CAPN12: variants seen among roughly 807,000 people sequenced by gnomAD.
CAPN12 encodes the protein calpain 12.
CAPN12 carries 107 observed loss-of-function variants against 95.0 expected under a neutral mutation model. The observed-to-expected ratio is 1.13, with a 90% CI of 0.96 to 1.32. The LOEUF is 1.32. CAPN12 is among the 40% of genes most tolerant of loss of function. The pLI is 0.00. For missense variants in CAPN12, 1,136 were observed against 997.8 expected (o/e 1.14, Z -1.87); for synonymous variants, 505 against 415.5 (o/e 1.22, Z -2.62).
chr19:38,740,314 G>A lies in CAPN12; in HGVS notation c.561-95C>T. 4.8e-6 allele frequency: 6 copies of A among 1,261,022 alleles called. No homozygotes were observed. The South Asian group carries it at 8.0e-5, about 17-fold the overall frequency. The allele number at this position is 1,261,022 out of a possible 1,614,324, so 78.1% of individuals were successfully genotyped here. A position where few individuals can be genotyped will look rare whatever the true frequency, so the allele number is the denominator to read the frequency against. On this transcript the variant is annotated intron_variant, in intron 4 of 20. Transcript: ENST00000328867. ...TGCAGGGGCCTGTGTCTCAGGGTGTGGAATCCCCAGGGGAAATTCCTGAAG... is the reference window on the plus strand; with the variant it reads ...TGCAGGGGCCTGTGTCTCAGGGTGTAGAATCCCCAGGGGAAATTCCTGAAG...
At chr19:38,737,919 CCAA>C (rs1970314743) in intron 8 of CAPN12, among the ~76,000 whole-genome samples, 2 of 152,094 alleles carry the variant, frequency 1.3e-5, no homozygotes, top group East Asian at 1.9e-4. Context: ...CTCTAAATTA[CCAA>C]CAAGTACCCT....
rs1161380306 is a variant in CAPN12, at chr19:38,731,222, G to T, written c.1959C>A (p.Gly653=). Residue 653 remains glycine, a splice_region_variant and synonymous_variant, in exon 19 of 21, where the codon GGC becomes GGA. Coordinates refer to ENST00000328867, the MANE Select transcript of CAPN12 (RefSeq NM_144691.4). ...YELRLALNAA[G]FHLNNQLTQT... is the part of the protein sequence containing the mutation. Reference sequence around the variant, plus strand: ...GGGTCAGCTGGTTGTTCAGGTGGAAGCCTAGGGGGAGGCTGCTTCTGAGCC... The same window carrying T: ...GGGTCAGCTGGTTGTTCAGGTGGAATCCTAGGGGGAGGCTGCTTCTGAGCC... 1.2e-6 allele frequency: 2 copies of T among 1,612,052 alleles called. No individual in the cohort carries two copies. The highest frequency in any genetic ancestry group is 1.7e-5 in the Admixed American group (1 of 60,012).
At position 38,741,814 on chromosome 19, in the gene CAPN12, C is replaced by T; in HGVS notation, c.523G>A (p.Glu175Lys). The T allele has an allele frequency of 1.2e-6, 2 of 1,614,098 alleles. No homozygotes were observed. The highest frequency in any genetic ancestry group is 1.7e-6 in the Non-Finnish European group (2 of 1,180,042). Residue 175 changes from glutamate (E) to lysine (K), a missense_variant, in exon 4 of 21, where the codon GAG (glutamate) becomes AAG (lysine). Coordinates refer to ENST00000328867, the MANE Select transcript of CAPN12 (RefSeq NM_144691.4). ...TTCTCCAGGAGTGGGGCCCAGAACT[C>T]ATTCCGCTGTTCCGAGCGCACGAAC... ...LMFVRSEQRNEFWAPLLEKAY... is the reference protein window; with the variant it reads ...LMFVRSEQRNKFWAPLLEKAY...
chr19:38,734,494 A>T (rs1322574643), intron 15 of CAPN12, 105 bp from the exon 16 acceptor site: 1 of 1,005,434 alleles, frequency 9.9e-7, no homozygotes, highest in Admixed American at 2.8e-5. Context: ...TGTCAGTCCC[A>T]TATTATAGAA....
rs919475226 is a variant in CAPN12 at position 38,730,515 on chromosome 19, A to G, written c.*337T>C. Reference sequence around the variant, plus strand: ...CTGGGGACAGGATAATAAAACATGTAATATTTTTAAGAAGGATTCCTGCAG... The same window carrying G: ...CTGGGGACAGGATAATAAAACATGTGATATTTTTAAGAAGGATTCCTGCAG... On this transcript the variant is annotated 3_prime_UTR_variant, in exon 21 of 21. Transcript: ENST00000328867. 1 of 371,794 alleles carries G rather than the reference A, an allele frequency of 2.7e-6. No homozygotes were observed. The highest frequency in any genetic ancestry group is 2.0e-5 in the African/African-American group (1 of 49,094). The allele number at this position is 371,794 out of a possible 1,614,324, so 23.0% of individuals were successfully genotyped here.
At position 38,730,666 on chromosome 19, in the gene CAPN12, T is replaced by C. The variant is rs1969514668; in HGVS notation, c.*186A>G. On this transcript the variant is annotated 3_prime_UTR_variant, in exon 21 of 21. Transcript: ENST00000328867. ...TCATCTGCTCGAGAAGGGCTGTCGCTGTTCTTGTTTCTGAGTGAGGAGTAC... is the reference window on the plus strand; with the variant it reads ...TCATCTGCTCGAGAAGGGCTGTCGCCGTTCTTGTTTCTGAGTGAGGAGTAC... 4.5e-6 allele frequency: 3 copies of C among 667,846 alleles called. No individual in the cohort carries two copies. Among genetic ancestry groups the C allele is most frequent in the Non-Finnish European group, 7.8e-6 (3 of 385,224 alleles). The allele number at this position is 667,846 out of a possible 1,614,324, so 41.4% of individuals were successfully genotyped here. A position where few individuals can be genotyped will look rare whatever the true frequency, so the allele number is the denominator to read the frequency against.
Position 38,737,076 on chromosome 19 carries a change from T to C in CAPN12, c.1362+80A>G, listed in dbSNP as rs112197111. The C allele has an allele frequency of 0.067, 16,062 of 239,014 alleles. 919 individuals carry two copies. Among genetic ancestry groups the C allele is most frequent in the South Asian group, 0.16 (4,497 of 28,882 alleles). 14.8% of individuals were successfully genotyped at this position (239,014 alleles called of 1,614,324 possible). On this transcript the variant is annotated intron_variant, in intron 10 of 20. Transcript: ENST00000328867. ...TCTTCCCACTGGCCCCGCCCCTCCA[T>C]GCCTCCCCCGCTCCTTGGCCCGGCC...
intron 18 of CAPN12, chr19:38,733,349 C>T (rs1054918413): frequency 6.7e-4 from 162 of 240,060 alleles, no homozygotes; most frequent in African/African-American, 3.2e-3. Context: ...ATTCCAACCC[C>T]GGTGCACCAG....
rs1970173322 is a variant in CAPN12 at position 38,736,535 on chromosome 19, C to T, written c.1374+17G>A. On this transcript the variant is annotated intron_variant, in intron 11 of 20. Coordinates refer to ENST00000328867, the MANE Select transcript of CAPN12 (RefSeq NM_144691.4). ...TTGACCAAGCCCCAGGGCCGGTTGA[C>T]CCCATCCCAGACTCACCTCCTCTGG... The T allele has an allele frequency of 6.3e-7, 1 of 1,576,972 alleles. No homozygotes were observed.
Position 38,735,912 on chromosome 19 carries a change from CG to C in CAPN12, c.1583+197del, listed in dbSNP as rs1970064735. Among the ~76,000 whole-genome samples the C allele has an allele frequency of 7.9e-4, 4 of 5,048 alleles. 1 individual carries two copies. The highest frequency in any genetic ancestry group is 1.5e-3 in the Non-Finnish European group (3 of 1,998). 3.3% of individuals were successfully genotyped at this position (5,048 alleles called of 152,430 possible). A position where few individuals can be genotyped will look rare whatever the true frequency, so the allele number is the denominator to read the frequency against. ...CGGGGCGGGGCGGGGGTTCTGGGGG[CG>C]GGGCGGGGCGGGGCGGGGGTTCTGG... On this transcript the variant is annotated intron_variant, in intron 12 of 20. Transcript: ENST00000328867.
intron 1 of CAPN12, among the ~76,000 whole-genome samples, chr19:38,743,560 C>T (rs556187691): frequency 1.5e-5 from 2 of 134,554 alleles, no homozygotes; most frequent in African/African-American, 5.4e-5. Flanking sequence ...CCAGCCCCTC[C>T]TCCCTCAGAC....
At chr19:38,738,229 C>T (rs1568788940) in intron 8 of CAPN12, 44 bp downstream of exon 8, 1 of 1,473,096 alleles carries the variant, frequency 6.8e-7, no homozygotes, top group Non-Finnish European at 9.0e-7. Context: ...AACCCCTTGG[C>T]AGAGACCCTC....
Position 38,737,307 on chromosome 19 carries a change from C to T in CAPN12, c.1211G>A (p.Trp404Ter), listed in dbSNP as rs1568786175. 6.4e-7 allele frequency: 1 copy of T among 1,562,258 alleles called. No individual in the cohort carries two copies. The change falls in exon 10 of 21, where the codon TGG becomes TAG. Residue 404 changes from tryptophan to a stop codon, truncating the protein, a stop_gained. Coordinates refer to ENST00000328867, the MANE Select transcript of CAPN12 (RefSeq NM_144691.4). LOFTEE classifies it high-confidence loss of function. ...EEDDEDEEGP[W>*]GGWGAAGARG... ...TGCCCCTGCAGCCCCCCAGCCCCCC[C>T]AGGGCCCTTCCTCATCCTCGTCATC...
At chr19:38,734,505 G>C in intron 15 of CAPN12, 116 bp from the exon 16 acceptor site, 3 of 914,422 alleles carry the variant, frequency 3.3e-6, no homozygotes, top group Non-Finnish European at 4.9e-6. Flanking sequence ...TATTATAGAA[G>C]CCGAGGCACA....
At chr19:38,735,113 G>A (rs1969925885) in intron 14 of CAPN12, 1 of 606,028 alleles carries the variant, frequency 1.7e-6, no homozygotes, top group South Asian at 2.1e-5. Context: ...TTCCAGGGCT[G>A]GGCACCTTAG....
At chr19:38,733,917 C>T (rs1040253861) in intron 17 of CAPN12, 136 bp from the exon 18 acceptor site, 3 of 813,996 alleles carry the variant, frequency 3.7e-6, no homozygotes, top group African/African-American at 1.7e-5. Flanking sequence ...GCAGCCTAGC[C>T]ACTTGGGACT....
intron 4 of CAPN12, 31 bp downstream of exon 4, chr19:38,741,746 G>A (rs1376937314): frequency 6.2e-7 from 1 of 1,612,094 alleles, no homozygotes; most frequent in Middle Eastern, 1.7e-4. Flanking sequence ...GGGGACTTAG[G>A]GCTGCAGCTG....
In CAPN12 at chr19:38,742,127, C is replaced by T. The variant is rs189034036; in HGVS notation, c.427-217G>A. 973 of 640,832 alleles carry T rather than the reference C, an allele frequency of 1.5e-3. 2 individuals are homozygous for T. Among genetic ancestry groups the T allele is most frequent in the Non-Finnish European group, 2.1e-3 (813 of 378,804 alleles). The allele number at this position is 640,832 out of a possible 1,614,324, so 39.7% of individuals were successfully genotyped here. On this transcript the variant is annotated intron_variant, in intron 3 of 20. Coordinates refer to ENST00000328867, the MANE Select transcript of CAPN12 (RefSeq NM_144691.4). ...GATCACGAGGTCAGGAATTCGAGAC[C>T]AGCCTGGCTAAGATGGTGAAATACC...
chr19:38,736,748 C>A (rs942622610), intron 10 of CAPN12, 185 bp from the exon 11 acceptor site: 48 of 710,826 alleles, frequency 6.8e-5, no homozygotes, highest in Non-Finnish European at 1.1e-4. Flanking sequence ...ACTCTTCCTT[C>A]CCCATCTGCG....
Sources: allele counts gnomAD v4.1 joint callset (sites outside exome capture counted in the v4.1 genomes callset), GRCh38; gene constraint gnomAD v4.1.1; transcripts MANE v1.5; gene names NCBI Gene and HGNC (gene_info 2026-07-23, HGNC 2026-07-21).